Variants in TEKT4 observed in about 807,000 individuals in gnomAD.
The protein encoded by TEKT4 is tektin 4.
Under a neutral mutation model 46.0 loss-of-function variants are expected in TEKT4, and 46 were observed. That is an observed-to-expected ratio of 1.00 (90% CI 0.79 to 1.28). The LOEUF (loss-of-function observed/expected upper bound fraction) is 1.28, where lower values mean the gene tolerates loss of function less well. Among genes scored for constraint, TEKT4 ranks in the 50% most tolerant of loss-of-function variants. The pLI, the probability that TEKT4 is intolerant of heterozygous loss-of-function variation, is 0.00. For synonymous variants in TEKT4, 325 were observed against 265.8 expected (o/e 1.22, Z -2.17); for missense variants, 790 against 622.9 (o/e 1.27, Z -2.85).
chr2:94,872,506 C>A lies in TEKT4; in HGVS notation c.498+429C>A, dbSNP rs1553394956. The stretch of plus-strand genomic sequence containing the variant: ...TTCATCCTATACAGAGCCGGGGACA[C>A]AAAGATCTGCACCCACAGGTCCCCT... On this transcript the variant is annotated intron_variant, in intron 1 of 5. Coordinates refer to ENST00000295201, the MANE Select transcript of TEKT4 (RefSeq NM_144705.4). 4 of 313,630 alleles carry A rather than the reference C, an allele frequency of 1.3e-5. No homozygotes were observed. The East Asian group carries it at 3.0e-4, about 23-fold the overall frequency. The allele number at this position is 313,630 out of a possible 1,614,324, so 19.4% of individuals were successfully genotyped here.
Position 94,873,771 on chromosome 2 carries a change from A to C in TEKT4, c.569+181A>C, listed in dbSNP as rs1176923167. On this transcript the variant is annotated intron_variant, in intron 2 of 5. Transcript: ENST00000295201. ...GCCTGAGGTTGAGTGGCCAGAGCCC[A>C]GTGCCACATCTGATCTGCAGCCTCC... is the stretch of plus-strand genomic sequence containing the variant. 9.9e-5 allele frequency among the ~76,000 whole-genome samples: 15 copies of C among 152,246 alleles called. 1 individual carries two copies. The South Asian group carries it at 2.9e-3, about 29-fold the overall frequency.
At chr2:94,874,537 G>A (rs1279280108) in intron 3 of TEKT4, among the ~76,000 whole-genome samples, 5 of 151,264 alleles carry the variant, frequency 3.3e-5, no homozygotes, top group Non-Finnish European at 5.9e-5. Context: ...GCGGGGGCAC[G>A]AGGGGACTAA....
At chr2:94,874,690 C>G in intron 3 of TEKT4, 86 bp from the exon 4 acceptor site, 2 of 1,217,004 alleles carry the variant, frequency 1.6e-6, no homozygotes, top group Non-Finnish European at 2.2e-6. Context: ...GAGCATGGGG[C>G]GCGGACAGGG....
Position 94,872,100 on chromosome 2 carries a change from G to A in TEKT4, c.498+23G>A, listed in dbSNP as rs574602864. 2.5e-4 allele frequency: 382 copies of A among 1,514,068 alleles called. 4 individuals are homozygous for A. The South Asian group carries it at 3.9e-3, about 16-fold the overall frequency. The allele number at this position is 1,514,068 out of a possible 1,614,324, so 93.8% of individuals were successfully genotyped here. A position where few individuals can be genotyped will look rare whatever the true frequency, so the allele number is the denominator to read the frequency against. On this transcript the variant is annotated intron_variant, in intron 1 of 5. Transcript: ENST00000295201. ...AAGGTGCCAGCACCCTTGGGTGGCC[G>A]GGATTTGTGGGCGCAGAGAGGAGGA... is the stretch of plus-strand genomic sequence containing the variant.
rs116183615 is a variant in TEKT4 at position 94,874,766 on chromosome 2, C to A, written c.714-10C>A. 1 of 1,553,696 alleles carries A rather than the reference C, an allele frequency of 6.4e-7. No individual in the cohort carries two copies. The highest frequency in any genetic ancestry group is 8.7e-7 in the Non-Finnish European group (1 of 1,152,366). ...CCCCGACCCTCTCCTGGCTGTCCCC[C>A]GCCCCGCAGCGCCTCCACCCCGGAG... On this transcript the variant is annotated splice_polypyrimidine_tract_variant and intron_variant, in intron 3 of 5. Transcript: ENST00000295201.
At position 94,871,604 on chromosome 2, in the gene TEKT4, G is replaced by T. The variant is rs782753394; in HGVS notation, c.25G>T (p.Glu9Ter). The change falls in exon 1 of 6, where the codon GAG becomes TAG. Residue 9 changes from glutamate (E) to a stop codon, truncating the protein, a stop_gained. Coordinates refer to ENST00000295201, the MANE Select transcript of TEKT4 (RefSeq NM_144705.4). LOFTEE classifies it high-confidence loss of function. MAQTVPPC[E>*]LPCKEYDVAR... ...CATGGCGCAGACAGTGCCGCCCTGC[G>T]AGCTGCCCTGCAAAGAGTACGACGT... 5.0e-6 allele frequency: 8 copies of T among 1,610,268 alleles called. No individual in the cohort carries two copies. In the Admixed American group the frequency reaches 1.3e-4, roughly 27 times the overall value.
rs1345462231 is a variant in TEKT4 at position 94,872,074 on chromosome 2, G to A, written c.495G>A (p.Leu165=). ...GCGACCATGTGGAAACGGAGCTGCT[G>A]AAGGTGCCAGCACCCTTGGGTGGCC... ...LVRDHVETEL[L]KEAELIRNIQ... is the part of the protein sequence containing the mutation. The change falls in exon 1 of 6, where the codon CTG becomes CTA. Residue 165 remains leucine (L), a synonymous_variant. Coordinates refer to ENST00000295201, the MANE Select transcript of TEKT4 (RefSeq NM_144705.4). 1 of 1,540,434 alleles carries A rather than the reference G, an allele frequency of 6.5e-7. No homozygotes were observed. The highest frequency in any genetic ancestry group is 8.7e-7 in the Non-Finnish European group (1 of 1,143,602).
Position 94,871,622 on chromosome 2 carries a change from T to G in TEKT4, c.43T>G (p.Tyr15Asp). The change falls in exon 1 of 6, where the codon TAC (tyrosine) becomes GAC (aspartate). Residue 15 changes from tyrosine to aspartate, a missense_variant. By Grantham distance (160) the Tyr-to-Asp change is radical (BLOSUM62 -3). Coordinates refer to ENST00000295201, the MANE Select transcript of TEKT4 (RefSeq NM_144705.4). ...GCCCTGCGAGCTGCCCTGCAAAGAG[T>G]ACGACGTGGCCCGTAACACGGGCGC... Reference protein sequence around the residue: ...VPPCELPCKEYDVARNTGAYT... With the variant: ...VPPCELPCKEDDVARNTGAYT... 4.3e-6 allele frequency: 7 copies of G among 1,611,942 alleles called. No individual in the cohort carries two copies. Among genetic ancestry groups the G allele is most frequent in the Non-Finnish European group, 5.9e-6 (7 of 1,179,742 alleles).
At position 94,873,425 on chromosome 2, in the gene TEKT4, G is replaced by T. The variant is rs1300375604; in HGVS notation, c.499-95G>T. Reference sequence around the variant, plus strand: ...TCAGGCCCGGCATTCAACTCCTTGTGGTTGCTCAGGTGTTGACCAAGGCCT... The same window carrying T: ...TCAGGCCCGGCATTCAACTCCTTGTTGTTGCTCAGGTGTTGACCAAGGCCT... On this transcript the variant is annotated intron_variant, in intron 1 of 5. Transcript: ENST00000295201. 11 of 1,596,166 alleles carry T rather than the reference G, an allele frequency of 6.9e-6. No homozygotes were observed. The Admixed American group carries it at 1.9e-4, about 27-fold the overall frequency.
At chr2:94,872,161 T>C in intron 1 of TEKT4, 84 bp downstream of exon 1, 1 of 1,441,886 alleles carries the variant, frequency 6.9e-7, no homozygotes, top group South Asian at 1.4e-5. Flanking sequence ...ACAAGCCACG[T>C]GGCTGCTGCA....
Position 94,871,541 on chromosome 2 carries a change from C to G in TEKT4, c.-39C>G. ...CTGACCGCAACCGGCTGACCACACA[C>G]AGTCCTCACTCCCCTGGCCCTGGTG... On this transcript the variant is annotated 5_prime_UTR_variant, in exon 1 of 6. Coordinates refer to ENST00000295201, the MANE Select transcript of TEKT4 (RefSeq NM_144705.4). 6.5e-7 allele frequency: 1 copy of G among 1,539,152 alleles called. No homozygotes were observed. Among genetic ancestry groups the G allele is most frequent in the Non-Finnish European group, 8.7e-7 (1 of 1,143,272 alleles).
Position 94,871,497 on chromosome 2 carries a change from C to T in TEKT4, c.-83C>T, listed in dbSNP as rs1446362949. The T allele has an allele frequency of 2.6e-5, 38 of 1,448,860 alleles. No individual in the cohort carries two copies. Among genetic ancestry groups the T allele is most frequent in the Middle Eastern group, 2.3e-4 (1 of 4,360 alleles). 89.8% of individuals were successfully genotyped at this position (1,448,860 alleles called of 1,614,324 possible). On this transcript the variant is annotated 5_prime_UTR_variant, in exon 1 of 6. Transcript: ENST00000295201. ...CTCTGGGACTGAGCCGTTGGAGCTG[C>T]CCCGCTGACCGCACTAGGCTGACCG...
intron 1 of TEKT4, chr2:94,872,961 C>T (rs777717049): frequency 6.2e-6 from 8 of 1,289,424 alleles, no homozygotes; most frequent in South Asian, 2.5e-5. Flanking sequence ...GCGCAGGACC[C>T]GGGCCCTGGC....
At chr2:94,873,688 C>T (rs1680685560) in intron 2 of TEKT4, 98 bp downstream of exon 2, 2 of 1,504,714 alleles carry the variant, frequency 1.3e-6, no homozygotes, top group Non-Finnish European at 1.8e-6. Context: ...TCAGAGCCAG[C>T]AGGGGCTGCC....
Position 94,871,769 on chromosome 2 carries a change from C to T in TEKT4, c.190C>T (p.Arg64Trp), listed in dbSNP as rs142538721. ...CTTCGCCGACCGCGACCAGTCGGAG[C>T]GGCAGCGGCACGAGAGCCAGCAGCT... ...QAFADRDQSE[R>W]QRHESQQLAT... Residue 64 changes from arginine to tryptophan, a missense_variant, in exon 1 of 6, where the codon CGG becomes TGG. Physicochemically the swap from Arg to Trp is moderately radical, Grantham distance 101. Transcript: ENST00000295201. The T allele has an allele frequency of 3.5e-4, 560 of 1,612,360 alleles. 3 individuals carry two copies. In the African/African-American group the frequency reaches 6.7e-3, roughly 19 times the overall value.
chr2:94,875,056 A>C, intron 4 of TEKT4, 58 bp downstream of exon 4: 2 of 1,490,388 alleles, frequency 1.3e-6, no homozygotes, highest in Non-Finnish European at 1.8e-6. Flanking sequence ...TGGGCCCTCA[A>C]CACCTTTCTC....
Position 94,875,711 on chromosome 2 carries a change from A to T in TEKT4, c.1060A>T (p.Met354Leu), listed in dbSNP as rs540461565. The change falls in exon 5 of 6, where the codon ATG becomes TTG. Residue 354 changes from methionine (M) to leucine (L), a missense_variant. Physicochemically the swap from Met to Leu is conservative, Grantham distance 15. Coordinates refer to ENST00000295201, the MANE Select transcript of TEKT4 (RefSeq NM_144705.4). The part of the protein sequence containing the change: ...RLYLRSHRPN[M>L]ELCRDAAQFR... ...GTACCTGCGCTCGCACCGGCCCAAC[A>T]TGGAGCTGTGCCGTGACGCAGCCCA... 128 of 1,614,078 alleles carry T rather than the reference A, an allele frequency of 7.9e-5. 1 individual carries two copies. The East Asian group carries it at 2.8e-3, about 36-fold the overall frequency.
chr2:94,875,449 A>G (rs1680799634), intron 4 of TEKT4, 139 bp from the exon 5 acceptor site: 3 of 1,318,754 alleles, frequency 2.3e-6, no homozygotes, highest in Non-Finnish European at 3.2e-6. Context: ...TGTTCCCCTC[A>G]TCCACGCCTC....
In TEKT4 at chr2:94,872,092, G is replaced by C; in HGVS notation, c.498+15G>C. The C allele has an allele frequency of 1.3e-6, 2 of 1,525,336 alleles. No homozygotes were observed. The highest frequency in any genetic ancestry group is 1.8e-6 in the Non-Finnish European group (2 of 1,136,584). 94.5% of individuals were successfully genotyped at this position (1,525,336 alleles called of 1,614,324 possible). A position where few individuals can be genotyped will look rare whatever the true frequency, so the allele number is the denominator to read the frequency against. ...AGCTGCTGAAGGTGCCAGCACCCTT[G>C]GGTGGCCGGGATTTGTGGGCGCAGA... On this transcript the variant is annotated intron_variant, in intron 1 of 5. Coordinates refer to ENST00000295201, the MANE Select transcript of TEKT4 (RefSeq NM_144705.4).
Sources: gnomAD v4.1 joint callset for allele counts (sites outside exome capture counted in the v4.1 genomes callset) on GRCh38, gnomAD v4.1.1 for gene constraint, MANE v1.5 for transcripts, NCBI Gene and HGNC (gene_info 2026-07-23, HGNC 2026-07-21) for gene names.